WASF3: variants seen among roughly 807,000 people sequenced by gnomAD.
WASF3 encodes WASP family member 3.
Under a neutral mutation model 46.6 loss-of-function variants are expected in WASF3, and 11 were observed. That is an observed-to-expected ratio of 0.24 (90% CI 0.15 to 0.39). The LOEUF (loss-of-function observed/expected upper bound fraction) is 0.39. Among genes scored for constraint, WASF3 ranks in the 10% least tolerant of loss-of-function variants. The probability of loss-of-function intolerance (pLI) is 1.00; values close to 1 mark genes in which losing one functional copy is unlikely to be tolerated. For missense variants in WASF3, 576 were observed against 669.8 expected, an observed-to-expected ratio of 0.86 and a Z score of 1.55; for synonymous variants, 242 against 259.7, an observed-to-expected ratio of 0.93 and a Z score of 0.65.
rs752333517 is a variant in WASF3, at chr13:26,561,874, AG to A, written c.-109+4057del. ...GAGGCCATTGTCCAGTCTGACTCCA[AG>A]GTTTGAGAGAAATTGTGCAGTGCTC... On this transcript the variant is annotated intron_variant, in intron 1 of 9. Transcript: ENST00000335327. 2.6e-5 allele frequency among the ~76,000 whole-genome samples: 4 copies of A among 152,336 alleles called. No homozygotes were observed. In the South Asian group the frequency reaches 6.2e-4, roughly 24 times the overall value.
At chr13:26,571,110 C>T (rs1463610712) in intron 1 of WASF3, among the ~76,000 whole-genome samples, 1 of 151,892 alleles carries the variant, frequency 6.6e-6, no homozygotes, top group Non-Finnish European at 1.5e-5. Context: ...TTGTCTATTG[C>T]CCTTTTTTCT....
chr13:26,621,934 T>C (rs983087477), intron 2 of WASF3, among the ~76,000 whole-genome samples: 1 of 152,076 alleles, frequency 6.6e-6, no homozygotes, highest in Non-Finnish European at 1.5e-5. Context: ...AAGGCCACAC[T>C]GAGGGGAAAG....
chr13:26,602,406 CGTTT>C (rs1012017882), intron 1 of WASF3, among the ~76,000 whole-genome samples: 34 of 152,060 alleles, frequency 2.2e-4, no homozygotes, highest in Middle Eastern at 3.4e-3. Flanking sequence ...TGTTTTTGTT[CGTTT>C]GTATCTTCTC....
intron 1 of WASF3, among the ~76,000 whole-genome samples, chr13:26,587,668 C>G (rs1375766724): frequency 1.3e-5 from 2 of 152,118 alleles, no homozygotes; most frequent in African/African-American, 4.8e-5. Context: ...AGCTGCTGGA[C>G]AGAATGATGG....
At chr13:26,555,033 T>C (rs949061777), upstream of WASF3, among the ~76,000 whole-genome samples, 1 of 152,396 alleles carries the variant, frequency 6.6e-6, no homozygotes, top group African/African-American at 2.4e-5. Context: ...TTTGTATCCT[T>C]GCCAGTATTT....
chr13:26,562,343 G>T (rs1049917803), intron 1 of WASF3, among the ~76,000 whole-genome samples: 1 of 152,180 alleles, frequency 6.6e-6, no homozygotes, highest in East Asian at 1.9e-4. Flanking sequence ...GCTGCTGCGA[G>T]CTGTTAGTAA....
chr13:26,596,443 G>A lies in WASF3; in HGVS notation c.-108-16518G>A, dbSNP rs1880465198. Among the ~76,000 whole-genome samples the A allele has an allele frequency of 2.0e-5, 3 of 151,520 alleles. No homozygotes were observed. In the South Asian group the frequency reaches 6.2e-4, roughly 32 times the overall value. ...CCCCACACCTCAGCATTCTAAACAT[G>A]TCAGTTCATCATATTCTGACTTTAA... On this transcript the variant is annotated intron_variant, in intron 1 of 9. Coordinates refer to ENST00000335327, the MANE Select transcript of WASF3 (RefSeq NM_006646.6).
intron 3 of WASF3, among the ~76,000 whole-genome samples, chr13:26,659,495 AGAG>A (rs1882562240): frequency 6.6e-6 from 1 of 152,188 alleles, no homozygotes; most frequent in African/African-American, 2.4e-5. Flanking sequence ...TTGAACACTC[AGAG>A]GAGTAACAGG....
In WASF3 at chr13:26,687,797, A is replaced by T. The variant is rs1883458636; in HGVS notation, c.*1952A>T. 6.7e-6 allele frequency: 1 copy of T among 149,786 alleles called. No homozygotes were observed. The highest frequency in any genetic ancestry group is 2.5e-5 in the African/African-American group (1 of 40,660). 9.3% of individuals were successfully genotyped at this position (149,786 alleles called of 1,614,324 possible). A position where few individuals can be genotyped will look rare whatever the true frequency, so the allele number is the denominator to read the frequency against. ...ATTCTTAGGACTTCTGCAACTTTTAAAGTCTTACTTGTCTTTCTTGTTGCT... is the reference window on the plus strand; with the variant it reads ...ATTCTTAGGACTTCTGCAACTTTTATAGTCTTACTTGTCTTTCTTGTTGCT... On this transcript the variant is annotated 3_prime_UTR_variant, in exon 10 of 10. Coordinates refer to ENST00000335327, the MANE Select transcript of WASF3 (RefSeq NM_006646.6).
At chr13:26,540,060 G>A in the WASF3 span, among the ~76,000 whole-genome samples, 2 of 152,070 alleles carry the variant, frequency 1.3e-5, no homozygotes, top group African/African-American at 4.8e-5. Context: ...AGGCAGGAAT[G>A]TCCTAAGACT....
chr13:26,567,054 G>T (rs551482860), intron 1 of WASF3, among the ~76,000 whole-genome samples: 2 of 152,310 alleles, frequency 1.3e-5, no homozygotes, highest in South Asian at 4.2e-4. Context: ...CATTCATGTG[G>T]TACATTGAAC....
chr13:26,574,529 TTG>T (rs1026899318), intron 1 of WASF3, among the ~76,000 whole-genome samples: 2 of 152,138 alleles, frequency 1.3e-5, no homozygotes, highest in Non-Finnish European at 2.9e-5. Flanking sequence ...TTTAGCCTTT[TTG>T]AATCACTGCA....
At chr13:26,549,218 G>C in the WASF3 span, among the ~76,000 whole-genome samples, 1 of 151,952 alleles carries the variant, frequency 6.6e-6, no homozygotes, top group Admixed American at 6.6e-5. Flanking sequence ...CTGACCTCAT[G>C]ATCCACCCGC....
At chr13:26,574,956 C>T (rs1030751923) in intron 1 of WASF3, among the ~76,000 whole-genome samples, 1 of 151,864 alleles carries the variant, frequency 6.6e-6, no homozygotes, top group Non-Finnish European at 1.5e-5. Flanking sequence ...CCTGCCTCAG[C>T]CTCTGGAGTA....
intron 2 of WASF3, among the ~76,000 whole-genome samples, chr13:26,629,371 C>T (rs1881581252): frequency 7.1e-6 from 1 of 141,324 alleles, no homozygotes; most frequent in Admixed American, 6.9e-5. Context: ...ACCATACAAC[C>T]AGGCTGTTGG....
At chr13:26,645,909 A>G (rs564382137) in intron 3 of WASF3, among the ~76,000 whole-genome samples, 139 of 152,298 alleles carry the variant, frequency 9.1e-4, no homozygotes, top group African/African-American at 3.2e-3. Context: ...AGGAAGTTCA[A>G]TAATCTGAAA....
At chr13:26,655,792 T>A (rs1390256216) in intron 3 of WASF3, among the ~76,000 whole-genome samples, 1 of 152,220 alleles carries the variant, frequency 6.6e-6, no homozygotes, top group East Asian at 1.9e-4. Context: ...CTTATTTTGA[T>A]CCTTACGTTT....
chr13:26,588,833 T>C (rs1880207205), intron 1 of WASF3, among the ~76,000 whole-genome samples: 2 of 152,162 alleles, frequency 1.3e-5, no homozygotes, highest in Admixed American at 1.3e-4. Context: ...AGTCTCACTC[T>C]GTCACCCAGG....
At chr13:26,629,195 TG>T (rs920268722) in intron 2 of WASF3, among the ~76,000 whole-genome samples, 2 of 152,228 alleles carry the variant, frequency 1.3e-5, no homozygotes, top group African/African-American at 4.8e-5. Context: ...TGGCGGATTT[TG>T]CCTGCTTTGT....
Sources: allele counts gnomAD v4.1 joint callset (sites outside exome capture counted in the v4.1 genomes callset), GRCh38; gene constraint gnomAD v4.1.1; transcripts MANE v1.5; gene names NCBI Gene and HGNC (gene_info 2026-07-23, HGNC 2026-07-21).